The following HIVEP1 variants were observed in gnomAD, a reference collection of about 807,000 sequenced individuals.
The protein encoded by HIVEP1 is HIVEP zinc finger 1.
A neutral mutation model predicts 180.0 loss-of-function variants in HIVEP1; 36 were observed. The observed-to-expected ratio is 0.20, with a 90% CI of 0.15 to 0.26. The LOEUF is 0.26. Ranked by LOEUF, HIVEP1 falls within the 10% of genes least tolerant of loss-of-function variation. The pLI is 1.00. For missense variants in HIVEP1, 3,143 were observed against 3,268.7 expected (o/e 0.96, Z 0.94); for synonymous variants, 1,239 against 1,239.0 (o/e 1.00, Z 0.00).
At chr6:12,032,938 T>A (rs1561870857) in intron 2 of HIVEP1, among the ~76,000 whole-genome samples, 1 of 152,244 alleles carries the variant, frequency 6.6e-6, no homozygotes, top group Non-Finnish European at 1.5e-5. Context: ...TCATAGTGAT[T>A]TCCTTTCTAA....
chr6:12,085,014 G>A (rs1232852315), intron 2 of HIVEP1, among the ~76,000 whole-genome samples: 1 of 152,128 alleles, frequency 6.6e-6, no homozygotes, highest in Non-Finnish European at 1.5e-5. Context: ...AAACCACGCA[G>A]TGCCAGTTTT....
downstream of HIVEP1, among the ~76,000 whole-genome samples, chr6:12,165,950 G>A (rs918407896): frequency 1.3e-5 from 2 of 152,160 alleles, no homozygotes; most frequent in East Asian, 1.9e-4. Context: ...GTCCCAGCAC[G>A]CACTGGTGGA....
rs779034750 is a variant in HIVEP1 at position 12,164,361 on chromosome 6, A to G, written c.8057A>G (p.Gln2686Arg). The change falls in exon 9 of 9, where the codon CAG (glutamine) becomes CGG (arginine). Residue 2686 changes from glutamine to arginine, a missense_variant. Around this residue, in one of 12 missense-constraint regions of HIVEP1, gnomAD observed 595 missense variants for 602.2 expected, o/e 0.99. Coordinates refer to ENST00000379388, the MANE Select transcript of HIVEP1 (RefSeq NM_002114.4). ...SGQQTLSPDR[Q>R]VPRPTALPRR... Reference sequence around the variant, plus strand: ...CAGCAGACTCTCTCTCCAGACAGACAGGTTCCCAGGCCCACAGCACTACCG... The same window carrying G: ...CAGCAGACTCTCTCTCCAGACAGACGGGTTCCCAGGCCCACAGCACTACCG... 2 of 1,614,152 alleles carry G rather than the reference A, an allele frequency of 1.2e-6. No individual in the cohort carries two copies. The highest frequency in any genetic ancestry group is 1.7e-6 in the Non-Finnish European group (2 of 1,180,020).
At chr6:12,142,624 T>A (rs1256064032) in intron 7 of HIVEP1, among the ~76,000 whole-genome samples, 1 of 151,702 alleles carries the variant, frequency 6.6e-6, no homozygotes, top group East Asian at 1.9e-4. Context: ...TCAACAAAAT[T>A]GATAGACTGC....
intron 2 of HIVEP1, among the ~76,000 whole-genome samples, chr6:12,085,389 T>C (rs572412318): frequency 6.6e-6 from 1 of 152,076 alleles, no homozygotes; most frequent in South Asian, 2.1e-4. Flanking sequence ...CTGTGCCTGA[T>C]CTTGAAGAGA....
chr6:12,143,994 A>G (rs1437944589), intron 7 of HIVEP1, among the ~76,000 whole-genome samples: 2 of 152,216 alleles, frequency 1.3e-5, no homozygotes, highest in Admixed American at 6.5e-5. Flanking sequence ...CCATCAAGCT[A>G]CCAATGACTT....
Position 12,123,767 on chromosome 6 carries a change from A to G in HIVEP1, c.3972A>G (p.Ile1324Met). ...HTSSFSASLD[I>M]EDVSKTEASP... ...CAAGTTTCTCAGCCTCTTTAGACAT[A>G]GAGGACGTTTCTAAAACGGAGGCTT... Residue 1324 changes from isoleucine to methionine, a missense_variant, in exon 4 of 9, where the codon ATA (isoleucine) becomes ATG (methionine). This residue lies in a region of HIVEP1 where 1,357 missense variants were observed against 1,260.5 expected (regional missense o/e 1.08). Transcript: ENST00000379388. 3.1e-6 allele frequency: 5 copies of G among 1,614,210 alleles called. No homozygotes were observed. Among genetic ancestry groups the G allele is most frequent in the Non-Finnish European group, 4.2e-6 (5 of 1,180,022 alleles).
chr6:12,187,342 T>C, the HIVEP1 span, among the ~76,000 whole-genome samples: 2 of 152,138 alleles, frequency 1.3e-5, no homozygotes, highest in Non-Finnish European at 2.9e-5. Context: ...AAACCTCTCA[T>C]GAATGGATTA....
chr6:12,127,188 C>T (rs930593615), intron 4 of HIVEP1, among the ~76,000 whole-genome samples: 12 of 151,976 alleles, frequency 7.9e-5, no homozygotes, highest in Admixed American at 2.0e-4. Flanking sequence ...TAATAATACA[C>T]GAAATGACAT....
chr6:12,089,277 A>G (rs765995898), intron 3 of HIVEP1, 40 bp downstream of exon 3: 27 of 1,145,170 alleles, frequency 2.4e-5, no homozygotes, highest in Non-Finnish European at 3.6e-5. Context: ...TTATTCTTGC[A>G]ATGATGCCTA....
intron 2 of HIVEP1, among the ~76,000 whole-genome samples, chr6:12,076,249 A>T (rs1239115789): frequency 6.6e-6 from 1 of 152,174 alleles, no homozygotes; most frequent in Non-Finnish European, 1.5e-5. Context: ...TGCCTAACAT[A>T]TCTCTGTTTA....
At chr6:12,155,168 G>A (rs771570178) in intron 7 of HIVEP1, among the ~76,000 whole-genome samples, 3 of 152,180 alleles carry the variant, frequency 2.0e-5, no homozygotes, top group African/African-American at 4.8e-5. Flanking sequence ...TTCGAATGTT[G>A]TGTTTTAATT....
At chr6:12,080,140 G>A (rs1189040138) in intron 2 of HIVEP1, among the ~76,000 whole-genome samples, 1 of 152,142 alleles carries the variant, frequency 6.6e-6, no homozygotes, top group African/African-American at 2.4e-5. Context: ...GGCACTAAGA[G>A]AATCATCCTT....
Position 12,106,824 on chromosome 6 carries a change from A to T in HIVEP1, c.95-13066A>T, listed in dbSNP as rs538284245. Among the ~76,000 whole-genome samples, 8 of 152,304 alleles carry T rather than the reference A, an allele frequency of 5.3e-5. No individual in the cohort carries two copies. The East Asian group carries it at 9.6e-4, about 18-fold the overall frequency. ...GAGATTTTTCTAGGATCTGGCTTTG[A>T]GTATTGCGTATCATTGGCATGAGAG... On this transcript the variant is annotated intron_variant, in intron 3 of 8. Transcript: ENST00000379388.
chr6:12,211,193 A>C, the HIVEP1 span, among the ~76,000 whole-genome samples: 1 of 138,722 alleles, frequency 7.2e-6, no homozygotes, highest in African/African-American at 2.8e-5. Flanking sequence ...AGGTCAGGAG[A>C]TTGAGACCAT....
At chr6:12,209,587 A>G in the HIVEP1 span, among the ~76,000 whole-genome samples, 1 of 152,254 alleles carries the variant, frequency 6.6e-6, no homozygotes, top group African/African-American at 2.4e-5. Flanking sequence ...GCCCCACAGT[A>G]GGGATAGTAC....
chr6:12,114,622 G>T (rs1775106923), intron 3 of HIVEP1, among the ~76,000 whole-genome samples: 1 of 152,064 alleles, frequency 6.6e-6, no homozygotes, highest in African/African-American at 2.4e-5. Context: ...GAAAAAAAAA[G>T]AATGTGCACG....
chr6:12,189,408 A>G, the HIVEP1 span, among the ~76,000 whole-genome samples: 5 of 152,142 alleles, frequency 3.3e-5, no homozygotes, highest in African/African-American at 1.2e-4. Flanking sequence ...ATAAATGGAT[A>G]AAATACCTAC....
In HIVEP1 at chr6:12,012,543, C is replaced by T. The variant is rs1444662253; in HGVS notation, c.-127C>T. On this transcript the variant is annotated 5_prime_UTR_variant, in exon 1 of 9. Transcript: ENST00000379388. The stretch of plus-strand genomic sequence containing the variant: ...CCAGGGCCGGCTGCAGCGGCAGCGG[C>T]TCCGCCGGGCGTCCTGGCAGCAGGT... 6.7e-6 allele frequency: 1 copy of T among 149,324 alleles called. No individual in the cohort carries two copies. Among genetic ancestry groups the T allele is most frequent in the Non-Finnish European group, 1.5e-5 (1 of 66,964 alleles). The allele number at this position is 149,324 out of a possible 1,614,324, so 9.2% of individuals were successfully genotyped here.
Sources: gnomAD v4.1 joint callset for allele counts (sites outside exome capture counted in the v4.1 genomes callset) on GRCh38, gnomAD v4.1.1 for gene constraint, gnomAD v4.1.1 regional missense constraint, MANE v1.5 for transcripts, NCBI Gene and HGNC (gene_info 2026-07-23, HGNC 2026-07-21) for gene names.